Variants in UBAP1 observed in about 807,000 individuals in gnomAD.
UBAP1 encodes the protein ubiquitin-associated protein 1.
UBAP1 carries 5 observed loss-of-function variants against 39.0 expected under a neutral mutation model. The ratio of observed to expected loss-of-function variants is 0.13; its 90% confidence interval spans 0.07 to 0.27. UBAP1 has a LOEUF of 0.27. UBAP1 is among the 10% of genes least tolerant of loss of function. The probability of loss-of-function intolerance (pLI) is 1.00; values close to 1 mark genes in which losing one functional copy is unlikely to be tolerated. For synonymous variants in UBAP1, 211 were observed against 225.1 expected (o/e 0.94, Z 0.56); for missense variants, 490 against 608.1 (o/e 0.81, Z 2.04).
At chr9:34,200,853 T>C (rs1831329210) in intron 1 of UBAP1, among the ~76,000 whole-genome samples, 2 of 152,236 alleles carry the variant, frequency 1.3e-5, no homozygotes, top group South Asian at 4.1e-4. Context: ...TAATATATTG[T>C]TTATTTTTGC....
intron 1 of UBAP1, among the ~76,000 whole-genome samples, chr9:34,186,027 T>C (rs991929524): frequency 1.3e-5 from 2 of 152,214 alleles, no homozygotes; most frequent in African/African-American, 4.8e-5. Context: ...TCAATGCCTA[T>C]GCTGCATTCT....
chr9:34,205,442 G>A (rs762125050), intron 1 of UBAP1, among the ~76,000 whole-genome samples: 50 of 152,018 alleles, frequency 3.3e-4, no homozygotes, highest in Non-Finnish European at 6.5e-4. Context: ...AGAGATTATT[G>A]TTTTAGCTTT....
chr9:34,207,048 CTTTTT>C (rs34197502), intron 1 of UBAP1, among the ~76,000 whole-genome samples: 70 of 90,058 alleles, frequency 7.8e-4, no homozygotes, highest in African/African-American at 3.0e-3. Flanking sequence ...ATTGTTATTT[CTTTTT>C]TTTTTTTTTT....
intron 3 of UBAP1, 106 bp downstream of exon 3, chr9:34,234,446 T>G: frequency 1.5e-6 from 2 of 1,348,030 alleles, no homozygotes; most frequent in Non-Finnish European, 2.0e-6. Context: ...CTGAATCATG[T>G]TTTGGTCAAC....
intron 1 of UBAP1, among the ~76,000 whole-genome samples, chr9:34,212,607 A>G (rs10758246): frequency 0.35 from 53,349 of 151,940 alleles, 10,079 homozygotes; most frequent in East Asian, 0.74. Context: ...ATAGGAGAGT[A>G]TTGTAAAATA....
intron 1 of UBAP1, among the ~76,000 whole-genome samples, chr9:34,200,465 T>G (rs1032854658): frequency 6.6e-6 from 1 of 152,230 alleles, no homozygotes; most frequent in East Asian, 1.9e-4. Flanking sequence ...GTTAGTGCTA[T>G]TACGGTTTTA....
At chr9:34,235,287 G>A (rs1833630786) in intron 3 of UBAP1, among the ~76,000 whole-genome samples, 1 of 142,134 alleles carries the variant, frequency 7.0e-6, no homozygotes, top group Admixed American at 7.5e-5. Flanking sequence ...TTTTACATTT[G>A]TGTATATGTG....
At chr9:34,183,955 A>G (rs1830234227) in intron 1 of UBAP1, among the ~76,000 whole-genome samples, 1 of 151,848 alleles carries the variant, frequency 6.6e-6, no homozygotes, top group East Asian at 1.9e-4. Flanking sequence ...TTTTTAGTAG[A>G]GACGGGGTTT....
At chr9:34,250,841 C>T (rs2131638716) in intron 6 of UBAP1, 82 bp downstream of exon 6, 1 of 1,211,128 alleles carries the variant, frequency 8.3e-7, no homozygotes, top group Non-Finnish European at 1.2e-6. Context: ...TTGGCCCACA[C>T]ACAACCTTTT....
rs142007565 is a variant in UBAP1 at position 34,247,565 on chromosome 9, C to T, written c.1084-2214C>T. ...TCAGCCTCCCAAGTAGTTGGGATTA[C>T]AGGAATGCACCACCACACTTGGCCC... is the stretch of plus-strand genomic sequence containing the variant. On this transcript the variant is annotated intron_variant, in intron 4 of 6. Coordinates refer to ENST00000297661, the MANE Select transcript of UBAP1 (RefSeq NM_016525.5). Among the ~76,000 whole-genome samples the T allele has an allele frequency of 9.2e-3, 1,396 of 152,088 alleles. 14 individuals are homozygous for T. Among genetic ancestry groups the T allele is most frequent in the Non-Finnish European group, 0.016 (1,106 of 67,996 alleles).
rs189902239 is a variant in UBAP1, at chr9:34,248,766, C to G, written c.1084-1013C>G. On this transcript the variant is annotated intron_variant, in intron 4 of 6. Transcript: ENST00000297661. ...CTGGTTACATCTGTATAATTTCGAA[C>G]TTGCTTCTAGGACAGAGGGCTTCCT... Among the ~76,000 whole-genome samples the G allele has an allele frequency of 2.6e-5, 4 of 152,334 alleles. No homozygotes were observed. The East Asian group carries it at 7.7e-4, about 29-fold the overall frequency.
At chr9:34,179,938 G>A (rs1313295080) in intron 1 of UBAP1, among the ~76,000 whole-genome samples, 3 of 152,014 alleles carry the variant, frequency 2.0e-5, no homozygotes, top group Admixed American at 6.6e-5. Flanking sequence ...GTATGGTTGG[G>A]CATAAAAATA....
At chr9:34,202,760 C>T (rs1280086958) in intron 1 of UBAP1, among the ~76,000 whole-genome samples, 1 of 151,314 alleles carries the variant, frequency 6.6e-6, no homozygotes, top group African/African-American at 2.4e-5. Context: ...TACCCTCTGC[C>T]CAGTTATTTT....
chr9:34,204,011 A>G (rs1831543486), intron 1 of UBAP1, among the ~76,000 whole-genome samples: 1 of 152,212 alleles, frequency 6.6e-6, no homozygotes, highest in Non-Finnish European at 1.5e-5. Context: ...CTAGTATGAT[A>G]ACTTTTTTTT....
intron 1 of UBAP1, among the ~76,000 whole-genome samples, chr9:34,210,580 ATGG>A (rs3062510): frequency 0.35 from 52,898 of 151,478 alleles, 9,901 homozygotes; most frequent in East Asian, 0.73. Flanking sequence ...TTAGCTGGGC[ATGG>A]TGGTGTGTGC....
At chr9:34,215,251 CTG>C (rs1832235761) in intron 1 of UBAP1, among the ~76,000 whole-genome samples, 1 of 151,500 alleles carries the variant, frequency 6.6e-6, no homozygotes, top group South Asian at 2.1e-4. Context: ...GGATAAACTG[CTG>C]TGTGTATATA....
chr9:34,196,898 T>TTTTG (rs1554646929), intron 1 of UBAP1, among the ~76,000 whole-genome samples: 3 of 141,434 alleles, frequency 2.1e-5, no homozygotes, highest in South Asian at 4.6e-4. Flanking sequence ...ATATTGTTAT[T>TTTTG]TGTGTGTGTG....
intron 2 of UBAP1, among the ~76,000 whole-genome samples, chr9:34,227,468 T>C (rs1185283639): frequency 6.6e-6 from 1 of 152,240 alleles, no homozygotes; most frequent in African/African-American, 2.4e-5. Context: ...CTGAATTAAA[T>C]ATTATGCATT....
At chr9:34,216,642 A>ATTT (rs57204146) in intron 1 of UBAP1, among the ~76,000 whole-genome samples, 1,207 of 70,206 alleles carry the variant, frequency 0.017, 134 homozygotes, top group Non-Finnish European at 0.024. Flanking sequence ...CACCATGCTA[A>ATTT]TTTTTTTTTT....
Sources: allele counts gnomAD v4.1 joint callset (sites outside exome capture counted in the v4.1 genomes callset), GRCh38; gene constraint gnomAD v4.1.1; transcripts MANE v1.5; gene names NCBI Gene and HGNC (gene_info 2026-07-23, HGNC 2026-07-21).